Variants in TEX14 observed in about 807,000 individuals in gnomAD.
TEX14 encodes inactive serine/threonine-protein kinase TEX14.
Under a neutral mutation model 178.6 loss-of-function variants are expected in TEX14, and 168 were observed. That is an observed-to-expected ratio of 0.94 (90% CI 0.83 to 1.07). TEX14 has a LOEUF of 1.07. TEX14 is among the 50% of genes least tolerant of loss of function. The probability of loss-of-function intolerance (pLI) is 0.00; values close to 1 mark genes in which losing one functional copy is unlikely to be tolerated. For synonymous variants in TEX14, 626 were observed against 634.1 expected (o/e 0.99, Z 0.19); for missense variants, 1,730 against 1,753.6 (o/e 0.99, Z 0.24).
At chr17:58,645,210 A>C (rs1482119608) in intron 2 of TEX14, among the ~76,000 whole-genome samples, 1 of 150,744 alleles carries the variant, frequency 6.6e-6, no homozygotes, top group Non-Finnish European at 1.5e-5. Flanking sequence ...ATGTTCTCCA[A>C]CTCCTGACCT....
At chr17:58,567,403 G>A (rs960056077) in intron 26 of TEX14, among the ~76,000 whole-genome samples, 22 of 152,096 alleles carry the variant, frequency 1.4e-4, no homozygotes, top group African/African-American at 5.3e-4. Flanking sequence ...TGGCAGCCAT[G>A]GGTGTCAAGG....
rs1313351222 is a variant in TEX14, at chr17:58,616,597, A to AT, written c.637-293dup. 9.1e-3 allele frequency among the ~76,000 whole-genome samples: 1,360 copies of AT among 149,866 alleles called. 17 individuals are homozygous for AT. The highest frequency in any genetic ancestry group is 0.031 in the African/African-American group (1,271 of 40,952). The stretch of plus-strand genomic sequence containing the variant: ...AAGCATGCACCACCACACCTGGCTA[A>AT]TTTTTTTTTTAAATAGAGACGGGCT... On this transcript the variant is annotated intron_variant, in intron 6 of 31. Coordinates refer to ENST00000349033, the MANE Select transcript of TEX14 (RefSeq NM_031272.5).
rs575965357 is a variant in TEX14, at chr17:58,619,817, G to T, written c.554+1833C>A. On this transcript the variant is annotated intron_variant, in intron 5 of 31. Coordinates refer to ENST00000349033, the MANE Select transcript of TEX14 (RefSeq NM_031272.5). ...GTCTCAAAAAAAAAAAAAAAAAAAA[G>T]GTGGGGGAAGAGGAGTGTATTTCCA... Among the ~76,000 whole-genome samples, 23 of 146,324 alleles carry T rather than the reference G, an allele frequency of 1.6e-4. No individual in the cohort carries two copies. In the East Asian group the frequency reaches 4.3e-3, roughly 28 times the overall value.
At chr17:58,589,557 CAAAAA>C (rs71143254) in intron 15 of TEX14, among the ~76,000 whole-genome samples, 2 of 56,466 alleles carry the variant, frequency 3.5e-5, no homozygotes, top group East Asian at 4.6e-4. Context: ...GACTCCGTCT[CAAAAA>C]AAAAAAAAAA....
chr17:58,575,010 A>G (rs1441654263), intron 21 of TEX14, among the ~76,000 whole-genome samples: 1 of 152,090 alleles, frequency 6.6e-6, no homozygotes, highest in African/African-American at 2.4e-5. Flanking sequence ...GTGAAGACAA[A>G]CTTGACCTGT....
chr17:58,657,928 G>T (rs554953720), intron 1 of TEX14, among the ~76,000 whole-genome samples: 1 of 152,290 alleles, frequency 6.6e-6, no homozygotes, highest in Admixed American at 6.5e-5. Flanking sequence ...CTGCTCCTAA[G>T]ATCAGTGCTT....
At position 58,652,009 on chromosome 17, in the gene TEX14, C is replaced by A; in HGVS notation, c.-1-7G>T. 2.0e-6 allele frequency: 3 copies of A among 1,531,770 alleles called. No individual in the cohort carries two copies. Among genetic ancestry groups the A allele is most frequent in the South Asian group, 2.6e-5 (2 of 77,334 alleles). 94.9% of individuals were successfully genotyped at this position (1,531,770 alleles called of 1,614,324 possible). A position where few individuals can be genotyped will look rare whatever the true frequency, so the allele number is the denominator to read the frequency against. ...ACGAACAGCCCGAGACATCCTGTTC[C>A]AAAAGAGAGCAATATGCTTATTTTA... On this transcript the variant is annotated splice_polypyrimidine_tract_variant and splice_region_variant and intron_variant, in intron 1 of 31. Coordinates refer to ENST00000349033, the MANE Select transcript of TEX14 (RefSeq NM_031272.5).
chr17:58,682,706 A>ATCC (rs1163808253), intron 1 of TEX14, among the ~76,000 whole-genome samples: 1 of 152,208 alleles, frequency 6.6e-6, no homozygotes, highest in African/African-American at 2.4e-5. Context: ...TGGCTCATGA[A>ATCC]TCCTCACAAG....
rs776694944 is a variant in TEX14 at position 58,617,561 on chromosome 17, T to C, written c.613A>G (p.Ile205Val). 8.7e-6 allele frequency: 14 copies of C among 1,613,802 alleles called. No individual in the cohort carries two copies. The highest frequency in any genetic ancestry group is 8.3e-5 in the Admixed American group (5 of 59,978). ...ACCTTCCCAAAACCAAAGCTGTAGA[T>C]ATTTTGAGCAGAAATGACTCCAGCT... ...LKAGVISAQNIYSFGFGKFYL... is the reference protein window; with the variant it reads ...LKAGVISAQNVYSFGFGKFYL... The change falls in exon 6 of 32, where the codon ATC becomes GTC. Residue 205 changes from isoleucine (I) to valine (V), a missense_variant. Physicochemically the swap from Ile to Val is conservative, Grantham distance 29. Transcript: ENST00000349033.
At chr17:58,571,106 C>T (rs1598346754) in intron 24 of TEX14, among the ~76,000 whole-genome samples, 1 of 152,080 alleles carries the variant, frequency 6.6e-6, no homozygotes, top group Non-Finnish European at 1.5e-5. Context: ...TAGAATCTGC[C>T]CAATTAACGG....
intron 19 of TEX14, among the ~76,000 whole-genome samples, chr17:58,581,252 G>A (rs922469830): frequency 1.3e-5 from 2 of 151,318 alleles, no homozygotes; most frequent in Non-Finnish European, 2.9e-5. Flanking sequence ...CAGAGGATGC[G>A]GTGAGCCGAG....
At chr17:58,608,630 G>A (rs995237437) in intron 10 of TEX14, among the ~76,000 whole-genome samples, 11 of 152,210 alleles carry the variant, frequency 7.2e-5, no homozygotes, top group African/African-American at 2.4e-4. Flanking sequence ...GCCCAGAGCT[G>A]GTGATGAACT....
intron 17 of TEX14, 94 bp from the exon 18 acceptor site, chr17:58,586,176 C>G: frequency 7.4e-7 from 1 of 1,349,262 alleles, no homozygotes; most frequent in Non-Finnish European, 1.0e-6. Context: ...TATTATAACT[C>G]ATAGTGTAAC....
At position 58,649,871 on chromosome 17, in the gene TEX14, C is replaced by T. The variant is rs542942265; in HGVS notation, c.136+1995G>A. On this transcript the variant is annotated intron_variant, in intron 2 of 31. Coordinates refer to ENST00000349033, the MANE Select transcript of TEX14 (RefSeq NM_031272.5). The stretch of plus-strand genomic sequence containing the variant: ...TCTCCTGCCTCGGCCTCCCCAGTAG[C>T]TGGGACTACAGGTGCCCACCACCAT... Among the ~76,000 whole-genome samples, 23 of 152,112 alleles carry T rather than the reference C, an allele frequency of 1.5e-4. No individual in the cohort carries two copies. The East Asian group carries it at 4.4e-3, about 29-fold the overall frequency.
chr17:58,656,925 C>CAAAAAA (rs60626361), intron 1 of TEX14, among the ~76,000 whole-genome samples: 329 of 78,772 alleles, frequency 4.2e-3, no homozygotes, highest in East Asian at 7.3e-3. Flanking sequence ...TCCCATCTCA[C>CAAAAAA]AAAAAAAAAA....
At chr17:58,559,644 C>CA (rs386386353) in intron 29 of TEX14, 82 bp from the exon 30 acceptor site, 2 of 666,606 alleles carry the variant, frequency 3.0e-6, no homozygotes, top group African/African-American at 1.8e-5. Context: ...AAAAAACAAA[C>CA]AACAACAACA....
chr17:58,612,000 A>G (rs1224809208), intron 9 of TEX14, among the ~76,000 whole-genome samples: 4 of 152,186 alleles, frequency 2.6e-5, no homozygotes, highest in Non-Finnish European at 5.9e-5. Flanking sequence ...ACTTCTATCC[A>G]AAGTATTTAG....
rs1428900456 is a variant in TEX14 at position 58,585,745 on chromosome 17, C to T, written c.3070+56G>A. ...GCTGGAATTACAGGCTGAGCCACCT[C>T]GCCCGACTGATACTTGATTGAGTTC... On this transcript the variant is annotated intron_variant, in intron 18 of 31. Transcript: ENST00000349033. 33 of 1,580,200 alleles carry T rather than the reference C, an allele frequency of 2.1e-5. No homozygotes were observed. In the South Asian group the frequency reaches 2.5e-4, roughly 12 times the overall value.
chr17:58,605,643 A>G (rs1036252772), intron 10 of TEX14, among the ~76,000 whole-genome samples: 3 of 152,156 alleles, frequency 2.0e-5, no homozygotes, highest in African/African-American at 7.2e-5. Context: ...CAGTTCCTCC[A>G]ACATACCTCA....
Sources: gnomAD v4.1 joint callset for allele counts (sites outside exome capture counted in the v4.1 genomes callset) on GRCh38, gnomAD v4.1.1 for gene constraint, MANE v1.5 for transcripts, NCBI Gene and HGNC (gene_info 2026-07-23, HGNC 2026-07-21) for gene names.